Variants in BAZ2B observed in about 807,000 individuals in gnomAD.
BAZ2B encodes bromodomain adjacent to zinc finger domain protein 2B.
In BAZ2B, 91 loss-of-function variants were observed where a neutral mutation model predicts 246.0. That is an observed-to-expected ratio of 0.37 (90% CI 0.31 to 0.44). The LOEUF is 0.44. Ranked by LOEUF, BAZ2B falls within the 20% of genes least tolerant of loss-of-function variation. The pLI is 1.00. For missense variants in BAZ2B, 2,332 were observed against 2,533.7 expected (o/e 0.92, Z 1.71); for synonymous variants, 855 against 860.0 (o/e 0.99, Z 0.10).
chr2:159,696,742 T>C, the BAZ2B span, among the ~76,000 whole-genome samples: 1 of 152,224 alleles, frequency 6.6e-6, no homozygotes, highest in African/African-American at 2.4e-5. Context: ...GAACATTCTC[T>C]GCATTCTAAC....
At chr2:159,451,174 T>C (rs1289349932) in intron 4 of BAZ2B, among the ~76,000 whole-genome samples, 1 of 152,142 alleles carries the variant, frequency 6.6e-6, no homozygotes, top group Non-Finnish European at 1.5e-5. Context: ...GGTAATTTAA[T>C]ATGAAAATTA....
intron 20 of BAZ2B, 127 bp downstream of exon 20, chr2:159,395,642 G>T (rs2063911488): frequency 6.7e-6 from 5 of 749,192 alleles, no homozygotes; most frequent in South Asian, 2.4e-5. Flanking sequence ...TAAACTTTTG[G>T]TTTGCATATG....
At position 159,382,801 on chromosome 2, in the gene BAZ2B, G is replaced by A. The variant is rs374620054; in HGVS notation, c.3763C>T (p.Leu1255Phe). ...GTTTTCTTAGCATGAATGATTCTGA[G>A]CCTTTAAATATTATGAAAAGTGATG... ...KWVVEGKLRK[L>F]RIIHAKKTGK... The change falls in exon 25 of 37, where the codon CTC becomes TTC. Residue 1255 changes from leucine to phenylalanine, a missense_variant and splice_region_variant. Physicochemically the swap from Leu to Phe is conservative, Grantham distance 22. Transcript: ENST00000392783. 46 of 1,610,018 alleles carry A rather than the reference G, an allele frequency of 2.9e-5. No homozygotes were observed. The highest frequency in any genetic ancestry group is 3.8e-5 in the Non-Finnish European group (45 of 1,178,226).
intron 2 of BAZ2B, among the ~76,000 whole-genome samples, chr2:159,528,026 A>T (rs2084939945): frequency 6.6e-6 from 1 of 152,318 alleles, no homozygotes; most frequent in East Asian, 1.9e-4. Context: ...GAGACTAAGT[A>T]TGGGAGATTG....
In BAZ2B at chr2:159,395,772, T is replaced by G. The variant is rs749456808; in HGVS notation, c.3072A>C (p.Ala1024=). 3 of 1,608,846 alleles carry G rather than the reference T, an allele frequency of 1.9e-6. No individual in the cohort carries two copies. Among genetic ancestry groups the G allele is most frequent in the Non-Finnish European group, 2.6e-6 (3 of 1,176,342 alleles). ...LMKAMEARKK[A]EEKERLKQEK... ...TTTTCTAGAAACATACACTTACTTC[T>G]GCTTTTTTACGAGCTTCCATAGCTT... Residue 1024 remains alanine (A), a synonymous_variant, in exon 20 of 37, where the codon GCA becomes GCC. Transcript: ENST00000392783.
intron 1 of BAZ2B, among the ~76,000 whole-genome samples, chr2:159,594,323 C>T (rs1690106482): frequency 6.6e-6 from 1 of 152,162 alleles, no homozygotes; most frequent in South Asian, 2.1e-4. Flanking sequence ...AGGAGAATGG[C>T]ATGAACCCGG....
At chr2:159,691,439 G>A in the BAZ2B span, among the ~76,000 whole-genome samples, 17 of 150,144 alleles carry the variant, frequency 1.1e-4, no homozygotes, top group Admixed American at 2.0e-4. Context: ...TTACAATAAA[G>A]TAGGCTAGAG....
chr2:159,400,790 C>CA (rs1407873467), intron 16 of BAZ2B, 126 bp from the exon 17 acceptor site: 6 of 522,732 alleles, frequency 1.1e-5, no homozygotes, highest in African/African-American at 2.1e-5. Flanking sequence ...CCTGTAATCC[C>CA]AGCACTTTGG....
At chr2:159,681,981 G>A in the BAZ2B span, among the ~76,000 whole-genome samples, 9,505 of 152,076 alleles carry the variant, frequency 0.063, 382 homozygotes, top group Non-Finnish European at 0.09. Flanking sequence ...GCACGTTAAG[G>A]AAACCACAGA....
At chr2:159,673,665 T>C in the BAZ2B span, among the ~76,000 whole-genome samples, 2 of 147,286 alleles carry the variant, frequency 1.4e-5, no homozygotes, top group East Asian at 1.9e-4. Flanking sequence ...TCACAAATTA[T>C]GTAGCTGTAA....
At chr2:159,499,637 CAACAGTGTAAAAG>C (rs2081503948) in intron 2 of BAZ2B, among the ~76,000 whole-genome samples, 1 of 152,208 alleles carries the variant, frequency 6.6e-6, no homozygotes, top group Non-Finnish European at 1.5e-5. Flanking sequence ...ACACTCCCAT[CAACAGTGTAAAAG>C]CATTCCTTTT....
the BAZ2B span, among the ~76,000 whole-genome samples, chr2:159,635,749 G>A: frequency 2.6e-5 from 4 of 151,746 alleles, no homozygotes; most frequent in East Asian, 7.7e-4. Flanking sequence ...TTTCCTAATT[G>A]AAAACATGCT....
chr2:159,483,858 C>T (rs1026104074), intron 2 of BAZ2B, among the ~76,000 whole-genome samples: 6 of 150,444 alleles, frequency 4.0e-5, no homozygotes, highest in African/African-American at 1.5e-4. Flanking sequence ...AGTTAAAAGA[C>T]GACTATAACC....
At chr2:159,409,443 GTCTT>G (rs1351483928) in intron 14 of BAZ2B, among the ~76,000 whole-genome samples, 1 of 152,182 alleles carries the variant, frequency 6.6e-6, no homozygotes, top group African/African-American at 2.4e-5. Context: ...TAGAATGAAA[GTCTT>G]TATCATATTC....
Position 159,453,594 on chromosome 2 carries a change from G to C in BAZ2B, c.334+19C>G. 1 of 1,579,540 alleles carries C rather than the reference G, an allele frequency of 6.3e-7. No homozygotes were observed. The highest frequency in any genetic ancestry group is 8.6e-7 in the Non-Finnish European group (1 of 1,161,798). On this transcript the variant is annotated intron_variant, in intron 4 of 36. Coordinates refer to ENST00000392783, the MANE Select transcript of BAZ2B (RefSeq NM_013450.4). ...AGCTTTCCTCCTTCCCTTGAACACT[G>C]TTTGTAACAGATGTTTACCTGGAAA...
intron 27 of BAZ2B, among the ~76,000 whole-genome samples, chr2:159,368,043 T>C (rs1422658911): frequency 1.3e-5 from 2 of 152,252 alleles, no homozygotes; most frequent in African/African-American, 4.8e-5. Context: ...GCTCATATTA[T>C]ACACTTGTAT....
At chr2:159,379,552 T>G (rs2061760594) in intron 25 of BAZ2B, among the ~76,000 whole-genome samples, 1 of 152,180 alleles carries the variant, frequency 6.6e-6, no homozygotes, top group South Asian at 2.1e-4. Flanking sequence ...ACCATTCTGA[T>G]TTAAAATACA....
At chr2:159,507,598 T>C (rs943975055) in intron 2 of BAZ2B, among the ~76,000 whole-genome samples, 1 of 152,178 alleles carries the variant, frequency 6.6e-6, no homozygotes, top group African/African-American at 2.4e-5. Context: ...GAAAATTTGA[T>C]GTATTTTTCA....
At chr2:159,709,075 C>A in the BAZ2B span, among the ~76,000 whole-genome samples, 2 of 151,488 alleles carry the variant, frequency 1.3e-5, no homozygotes, top group Non-Finnish European at 2.9e-5. Context: ...AGACTTAGAA[C>A]AATGGACCTT....
Sources: allele counts gnomAD v4.1 joint callset (sites outside exome capture counted in the v4.1 genomes callset), GRCh38; gene constraint gnomAD v4.1.1; transcripts MANE v1.5; gene names NCBI Gene and HGNC (gene_info 2026-07-23, HGNC 2026-07-21).